Variants in CD84 observed in about 807,000 individuals in gnomAD.
CD84 encodes SLAM family member 5.
Under a neutral mutation model 33.8 loss-of-function variants are expected in CD84, and 22 were observed. The observed-to-expected ratio is 0.65, with a 90% CI of 0.46 to 0.93. The LOEUF (loss-of-function observed/expected upper bound fraction) is 0.93, where lower values mean the gene tolerates loss of function less well. CD84 is among the 40% of genes least tolerant of loss of function. CD84 has a pLI of 0.00. For synonymous variants in CD84, 154 were observed against 145.2 expected (o/e 1.06, Z -0.44); for missense variants, 400 against 397.6 (o/e 1.01, Z -0.05).
At chr1:160,566,488 T>G (rs1451908973) in intron 1 of CD84, among the ~76,000 whole-genome samples, 1 of 152,220 alleles carries the variant, frequency 6.6e-6, no homozygotes, top group Non-Finnish European at 1.5e-5. Flanking sequence ...ATGTATTTAT[T>G]CAGGATCAGT....
intron 1 of CD84, among the ~76,000 whole-genome samples, 167 bp from the exon 2 acceptor site, chr1:160,565,912 A>G (rs1446329814): frequency 1.3e-5 from 2 of 151,204 alleles, no homozygotes; most frequent in Non-Finnish European, 2.9e-5. Flanking sequence ...TGTATTTAAT[A>G]TGTTATGACA....
intron 4 of CD84, chr1:160,552,959 G>A: frequency 3.4e-6 from 2 of 588,096 alleles, no homozygotes; most frequent in Non-Finnish European, 3.1e-6. Flanking sequence ...TGACAACCAT[G>A]GAGTACAGGA....
intron 1 of CD84, among the ~76,000 whole-genome samples, chr1:160,575,269 T>A (rs1657926529): frequency 6.6e-6 from 1 of 152,066 alleles, no homozygotes; most frequent in Non-Finnish European, 1.5e-5. Flanking sequence ...GAGTCCATTA[T>A]AACTGCTCAC....
chr1:160,548,266 A>G lies in CD84; in HGVS notation c.977T>C (p.Ile326Thr), dbSNP rs145223854. 1.8e-4 allele frequency: 287 copies of G among 1,614,116 alleles called. No individual in the cohort carries two copies. In the African/African-American group the frequency reaches 3.6e-3, roughly 20 times the overall value. Residue 326 changes from isoleucine to threonine, a missense_variant, in exon 7 of 7, where the codon ATT (isoleucine) becomes ACT (threonine). Transcript: ENST00000368054. ...SKPPGTSSYEIVI is the reference protein window; with the variant it reads ...SKPPGTSSYETVI ...ATTCAGCCCAGCAGCCTAGATCACAATTTCATAGCTTGAAGTCCCAGGAGG... is the reference window on the plus strand; with the variant it reads ...ATTCAGCCCAGCAGCCTAGATCACAGTTTCATAGCTTGAAGTCCCAGGAGG...
At chr1:160,550,074 TC>T in intron 5 of CD84, 95 bp from the exon 6 acceptor site, 2 of 874,688 alleles carry the variant, frequency 2.3e-6, no homozygotes, top group Non-Finnish European at 3.8e-6. Flanking sequence ...CCTTCCCTGG[TC>T]CCACATTTAC....
At position 160,543,513 on chromosome 1, in the gene CD84, A is replaced by G. The variant is rs1655651359; in HGVS notation, c.*4743T>C. ...CTGTCATGAGTATTGACAACAATGTATGAAGCATCTAGTTTAGCAGTTGGT... is the reference window on the plus strand; with the variant it reads ...CTGTCATGAGTATTGACAACAATGTGTGAAGCATCTAGTTTAGCAGTTGGT... On this transcript the variant is annotated 3_prime_UTR_variant, in exon 7 of 7. Transcript: ENST00000368054. 6.6e-6 allele frequency: 1 copy of G among 152,010 alleles called. No homozygotes were observed. Among genetic ancestry groups the G allele is most frequent in the Non-Finnish European group, 1.5e-5 (1 of 68,000 alleles). 9.4% of individuals were successfully genotyped at this position (152,010 alleles called of 1,614,324 possible). A position where few individuals can be genotyped will look rare whatever the true frequency, so the allele number is the denominator to read the frequency against.
chr1:160,575,083 T>C (rs1657914882), intron 1 of CD84, among the ~76,000 whole-genome samples: 1 of 152,094 alleles, frequency 6.6e-6, no homozygotes, highest in Non-Finnish European at 1.5e-5. Context: ...CCCCTTACTT[T>C]CTTAGGATCC....
intron 2 of CD84, among the ~76,000 whole-genome samples, chr1:160,559,850 A>G (rs992647266): frequency 6.6e-6 from 1 of 152,166 alleles, no homozygotes; most frequent in Non-Finnish European, 1.5e-5. Context: ...GACAAAATAG[A>G]CTTTAAAGCA....
In CD84 at chr1:160,544,653, GC is replaced by G. The variant is rs1486504618; in HGVS notation, c.*3602del. 2 of 152,108 alleles carry G rather than the reference GC, an allele frequency of 1.3e-5. No individual in the cohort carries two copies. The highest frequency in any genetic ancestry group is 2.9e-5 in the Non-Finnish European group (2 of 68,070). The allele number at this position is 152,108 out of a possible 1,614,324, so 9.4% of individuals were successfully genotyped here. A position where few individuals can be genotyped will look rare whatever the true frequency, so the allele number is the denominator to read the frequency against. On this transcript the variant is annotated 3_prime_UTR_variant, in exon 7 of 7. Transcript: ENST00000368054. ...ACCAGACAGGCCCCTTCCTGCCTGTGCCCGATTTCCAAGCTGGCCCAACCAG... is the reference window on the plus strand; with the variant it reads ...ACCAGACAGGCCCCTTCCTGCCTGTGCCGATTTCCAAGCTGGCCCAACCAG...
At chr1:160,566,158 T>C (rs1657312261) in intron 1 of CD84, among the ~76,000 whole-genome samples, 1 of 152,200 alleles carries the variant, frequency 6.6e-6, no homozygotes, top group African/African-American at 2.4e-5. Context: ...TGATGGACTC[T>C]TGGGTCATTG....
intron 2 of CD84, among the ~76,000 whole-genome samples, chr1:160,562,627 A>G (rs1657053571): frequency 1.3e-5 from 2 of 152,194 alleles, no homozygotes; most frequent in South Asian, 4.1e-4. Context: ...CCTATAAGAA[A>G]ATCTGGGCAA....
At chr1:160,561,366 C>T (rs902152792) in intron 2 of CD84, among the ~76,000 whole-genome samples, 1 of 152,130 alleles carries the variant, frequency 6.6e-6, no homozygotes, top group Non-Finnish European at 1.5e-5. Flanking sequence ...TCAACATATC[C>T]AAATCAGTAA....
At position 160,543,602 on chromosome 1, in the gene CD84, T is replaced by TTATTATTATTATTATTA. The variant is rs1553230402; in HGVS notation, c.*4653_*4654insTAATAATAATAATAATA. On this transcript the variant is annotated 3_prime_UTR_variant, in exon 7 of 7. Transcript: ENST00000368054. ...ATCTTCAAGGAGCTCTCCATTATTA[T>TTATTATTATTATTATTA]TTATTATTATTATTATTATTATTAT... is the stretch of plus-strand genomic sequence containing the variant. 2.1e-5 allele frequency: 3 copies of TTATTATTATTATTATTA among 142,702 alleles called. No individual in the cohort carries two copies. Among genetic ancestry groups the TTATTATTATTATTATTA allele is most frequent in the African/African-American group, 7.7e-5 (3 of 38,740 alleles). The allele number at this position is 142,702 out of a possible 1,614,324, so 8.8% of individuals were successfully genotyped here.
At chr1:160,552,597 T>G (rs1656306488) in intron 4 of CD84, 1 of 716,112 alleles carries the variant, frequency 1.4e-6, no homozygotes, top group African/African-American at 1.8e-5. Flanking sequence ...AGCTGGGACT[T>G]TCACGCCTAG....
chr1:160,569,402 C>A (rs1657538976), intron 1 of CD84, among the ~76,000 whole-genome samples: 2 of 152,092 alleles, frequency 1.3e-5, no homozygotes, highest in African/African-American at 4.8e-5. Context: ...TCAGAGATAA[C>A]TTGTGGCACA....
Position 160,577,486 on chromosome 1 carries a change from T to A in CD84, c.46+1906A>T, listed in dbSNP as rs1658049330. Among the ~76,000 whole-genome samples, 3 of 152,182 alleles carry A rather than the reference T, an allele frequency of 2.0e-5. No homozygotes were observed. In the South Asian group the frequency reaches 6.2e-4, roughly 31 times the overall value. ...TTATAAAAACAAGCTCCCATTCCCCTTTCATGGATCCTTGATGAAATGAAT... is the reference window on the plus strand; with the variant it reads ...TTATAAAAACAAGCTCCCATTCCCCATTCATGGATCCTTGATGAAATGAAT... On this transcript the variant is annotated intron_variant, in intron 1 of 6. Coordinates refer to ENST00000368054, the MANE Select transcript of CD84 (RefSeq NM_003874.4).
chr1:160,548,363 GCTGCTGGGGAACTCCAGTC>G (rs1350964057), intron 6 of CD84, 42 bp from the exon 7 acceptor site: 2 of 1,607,040 alleles, frequency 1.2e-6, no homozygotes, highest in Admixed American at 3.3e-5. Context: ...ACTGAGAGGT[GCTGCTGGGGAACTCCAGTC>G]CTGCAAGTTC....
chr1:160,551,007 T>C lies in CD84; in HGVS notation c.789A>G (p.Thr263=). The change falls in exon 5 of 7, where the codon ACA becomes ACG. Residue 263 remains threonine, a synonymous_variant. Coordinates refer to ENST00000368054, the MANE Select transcript of CD84 (RefSeq NM_003874.4). ...GGGTGTTCCTTGAAGCCATGATATA[T>C]GTGTATATGGTTTTCTTTGAGGCAG... ...QDAASKKTIY[T]YIMASRNTQP... is the part of the protein sequence containing the mutation. 2 of 1,613,994 alleles carry C rather than the reference T, an allele frequency of 1.2e-6. No homozygotes were observed. Among genetic ancestry groups the C allele is most frequent in the African/African-American group, 2.7e-5 (2 of 75,038 alleles).
chr1:160,554,210 C>T (rs1458224999), intron 2 of CD84, 64 bp from the exon 3 acceptor site: 2 of 1,349,628 alleles, frequency 1.5e-6, no homozygotes, highest in Non-Finnish European at 1.9e-6. Flanking sequence ...TTGTGGGAGC[C>T]AATTGTTAAA....
Sources: allele counts gnomAD v4.1 joint callset (sites outside exome capture counted in the v4.1 genomes callset), GRCh38; gene constraint gnomAD v4.1.1; transcripts MANE v1.5; gene names NCBI Gene and HGNC (gene_info 2026-07-23, HGNC 2026-07-21).